The following DAB1 variants were observed in gnomAD, a reference collection of about 807,000 sequenced individuals.
The protein encoded by DAB1 is DAB adaptor protein 1, also known as disabled homolog 1.
Under a neutral mutation model 64.6 loss-of-function variants are expected in DAB1, and 15 were observed. The observed-to-expected ratio is 0.23, with a 90% CI of 0.16 to 0.36. The LOEUF (loss-of-function observed/expected upper bound fraction) is 0.36, where lower values mean the gene tolerates loss of function less well. Among genes scored for constraint, DAB1 ranks in the 10% least tolerant of loss-of-function variants. The pLI, the probability that DAB1 is intolerant of heterozygous loss-of-function variation, is 1.00. For synonymous variants in DAB1, 235 were observed against 251.9 expected, an observed-to-expected ratio of 0.93 and a Z score of 0.64; for missense variants, 596 against 706.7, an observed-to-expected ratio of 0.84 and a Z score of 1.78.
intron 4 of DAB1, among the ~76,000 whole-genome samples, chr1:57,100,726 T>C (rs1466537810): frequency 3.5e-5 from 5 of 144,136 alleles, no homozygotes; most frequent in Admixed American, 7.0e-5. Context: ...AGGCTAAGAT[T>C]TGAAGGATGA....
chr1:57,850,055 G>A (rs933083900), intron 1 of DAB1, among the ~76,000 whole-genome samples: 3 of 152,060 alleles, frequency 2.0e-5, no homozygotes, highest in Non-Finnish European at 4.4e-5. Flanking sequence ...TACCTGGCTT[G>A]GACAGGAAAA....
At chr1:58,482,957 A>C (rs1292897684) in intron 3 of DAB1, among the ~76,000 whole-genome samples, 1 of 152,174 alleles carries the variant, frequency 6.6e-6, no homozygotes, top group Non-Finnish European at 1.5e-5. Context: ...ATGAAAATGG[A>C]GGCCCAGATA....
intron 2 of DAB1, among the ~76,000 whole-genome samples, chr1:57,237,104 C>T (rs1038368845): frequency 2.0e-5 from 3 of 152,142 alleles, no homozygotes; most frequent in South Asian, 2.1e-4. Flanking sequence ...CCAAATGCTC[C>T]GGTCTGCCAC....
At chr1:58,319,014 T>G (rs181871929) in intron 4 of DAB1, among the ~76,000 whole-genome samples, 1 of 152,244 alleles carries the variant, frequency 6.6e-6, no homozygotes, top group Non-Finnish European at 1.5e-5. Context: ...CAGGGATAAG[T>G]ACTGGGTGTT....
chr1:58,496,661 T>C (rs954133591), intron 3 of DAB1, among the ~76,000 whole-genome samples: 2 of 152,178 alleles, frequency 1.3e-5, no homozygotes, highest in Non-Finnish European at 2.9e-5. Context: ...AATAAGATTA[T>C]CCTCATTTTT....
At chr1:57,979,524 T>C (rs1646010873) in intron 5 of DAB1, among the ~76,000 whole-genome samples, 1 of 152,200 alleles carries the variant, frequency 6.6e-6, no homozygotes, top group Non-Finnish European at 1.5e-5. Flanking sequence ...GTAACAAACC[T>C]GCACGTTGTG....
At chr1:57,097,629 T>A (rs904332548) in intron 4 of DAB1, among the ~76,000 whole-genome samples, 1 of 152,220 alleles carries the variant, frequency 6.6e-6, no homozygotes, top group African/African-American at 2.4e-5. Flanking sequence ...CACTAATGCT[T>A]CTGTGTGCTC....
chr1:57,695,724 C>T (rs1410627084), intron 6 of DAB1, among the ~76,000 whole-genome samples: 1 of 152,052 alleles, frequency 6.6e-6, no homozygotes, highest in Non-Finnish European at 1.5e-5. Context: ...CATAGTGAAA[C>T]CCCTGTCTCT....
intron 3 of DAB1, among the ~76,000 whole-genome samples, chr1:58,411,001 G>C (rs11809916): frequency 0.17 from 26,477 of 152,156 alleles, 3,070 homozygotes; most frequent in Middle Eastern, 0.25. Flanking sequence ...AAAAATTACA[G>C]AGTTGGTAGG....
chr1:57,453,999 C>T (rs1207467273), intron 7 of DAB1, among the ~76,000 whole-genome samples: 3 of 152,046 alleles, frequency 2.0e-5, no homozygotes, highest in Non-Finnish European at 2.9e-5. Flanking sequence ...CAAGTATTTC[C>T]CTATATCTAG....
At chr1:58,428,426 C>G (rs1019035812) in intron 3 of DAB1, among the ~76,000 whole-genome samples, 3 of 152,206 alleles carry the variant, frequency 2.0e-5, no homozygotes, top group Non-Finnish European at 2.9e-5. Flanking sequence ...ACAAACAACC[C>G]TGTTTCTTCA....
chr1:57,932,513 A>C (rs1644968146), intron 5 of DAB1, among the ~76,000 whole-genome samples: 1 of 146,996 alleles, frequency 6.8e-6, no homozygotes, highest in Admixed American at 6.9e-5. Context: ...GGGTTTCACC[A>C]TGTTGGTCAG....
Position 57,984,240 on chromosome 1 carries a change from G to C in DAB1, n.388-100078C>G, listed in dbSNP as rs181366344. The stretch of plus-strand genomic sequence containing the variant: ...AGAAAGAAAGAAAGAAAGAAAGAAA[G>C]AAAGAAAGAAAGAAAGAAAGAAAAA... On this transcript the variant is annotated intron_variant and non_coding_transcript_variant, in intron 5 of 20. Coordinates refer to the DAB1 transcript ENST00000485760. 2.4e-3 allele frequency among the ~76,000 whole-genome samples: 342 copies of C among 143,500 alleles called. 1 individual carries two copies. The highest frequency in any genetic ancestry group is 0.012 in the South Asian group (54 of 4,356). The allele number at this position is 143,500 out of a possible 152,430, so 94.1% of individuals were successfully genotyped here.
intron 2 of DAB1, among the ~76,000 whole-genome samples, chr1:57,240,619 G>A (rs1232573093): frequency 6.6e-6 from 1 of 152,092 alleles, no homozygotes; most frequent in African/African-American, 2.4e-5. Context: ...CTGATTGTAT[G>A]CCCAATATTG....
intron 5 of DAB1, among the ~76,000 whole-genome samples, chr1:58,138,410 A>T (rs1654070091): frequency 6.6e-6 from 1 of 152,182 alleles, no homozygotes; most frequent in African/African-American, 2.4e-5. Flanking sequence ...CACAAAATAA[A>T]ATTTCAACCA....
At chr1:57,793,496 T>C (rs58652222) in intron 6 of DAB1, among the ~76,000 whole-genome samples, 10,068 of 152,142 alleles carry the variant, frequency 0.066, 1,164 homozygotes, top group African/African-American at 0.23. Context: ...TGGGCCATGA[T>C]TTACAGTATT....
At chr1:57,602,356 T>C (rs1035498908) in intron 7 of DAB1, among the ~76,000 whole-genome samples, 1 of 152,198 alleles carries the variant, frequency 6.6e-6, no homozygotes, top group African/African-American at 2.4e-5. Context: ...TTCCTTGATA[T>C]TGTTCCCATA....
intron 6 of DAB1, among the ~76,000 whole-genome samples, chr1:57,660,357 C>A (rs929446593): frequency 6.6e-6 from 1 of 152,190 alleles, no homozygotes; most frequent in African/African-American, 2.4e-5. Flanking sequence ...GGCTCTTCCA[C>A]CAAGCTGTGT....
intron 6 of DAB1, among the ~76,000 whole-genome samples, chr1:57,738,097 A>T (rs1261935375): frequency 6.6e-6 from 1 of 152,210 alleles, no homozygotes; most frequent in Non-Finnish European, 1.5e-5. Context: ...GGGGCCCAGG[A>T]CTAGAAGCCT....
Sources: gnomAD v4.1 joint callset for allele counts (sites outside exome capture counted in the v4.1 genomes callset) on GRCh38, gnomAD v4.1.1 for gene constraint, MANE v1.5 for transcripts, NCBI Gene and HGNC (gene_info 2026-07-23, HGNC 2026-07-21) for gene names.